Variants in CRY1 observed in about 807,000 individuals in gnomAD.
The protein encoded by CRY1 is cryptochrome circadian regulator 1.
CRY1 carries 45 observed loss-of-function variants against 76.0 expected under a neutral mutation model. That is an observed-to-expected ratio of 0.59 (90% CI 0.47 to 0.76). CRY1 has a LOEUF of 0.76. Ranked by LOEUF, CRY1 falls within the 30% of genes least tolerant of loss-of-function variation. The probability of loss-of-function intolerance (pLI) is 0.00; values close to 1 mark genes in which losing one functional copy is unlikely to be tolerated. For missense variants in CRY1, 587 were observed against 716.4 expected (o/e 0.82, Z 2.06); for synonymous variants, 248 against 244.0 (o/e 1.02, Z -0.15).
At chr12:106,998,659 A>AACAC (rs10522970) in intron 7 of CRY1, among the ~76,000 whole-genome samples, 42,140 of 143,258 alleles carry the variant, frequency 0.29, 6,366 homozygotes, top group Admixed American at 0.4. Flanking sequence ...TAAGAGATTA[A>AACAC]ACACACACAC....
intron 2 of CRY1, among the ~76,000 whole-genome samples, chr12:107,019,732 A>C (rs1351774099): frequency 1.3e-5 from 2 of 152,116 alleles, no homozygotes; most frequent in African/African-American, 4.8e-5. Flanking sequence ...GATTGAGACT[A>C]GCCTGAGCAA....
chr12:107,027,159 C>G (rs1395869355), intron 1 of CRY1, among the ~76,000 whole-genome samples: 2 of 152,014 alleles, frequency 1.3e-5, no homozygotes, highest in East Asian at 3.8e-4. Flanking sequence ...AATCCTTTAC[C>G]CTTAACTGGG....
At chr12:107,058,302 A>G (rs912809016) in intron 1 of CRY1, among the ~76,000 whole-genome samples, 1 of 152,066 alleles carries the variant, frequency 6.6e-6, no homozygotes, top group Non-Finnish European at 1.5e-5. Flanking sequence ...ACACACACAC[A>G]CTCACACGCT....
chr12:107,004,818 T>A (rs940662342), intron 3 of CRY1, among the ~76,000 whole-genome samples: 2 of 152,022 alleles, frequency 1.3e-5, no homozygotes, highest in Non-Finnish European at 2.9e-5. Context: ...GAGTTAAGAG[T>A]AGTCAAGGAA....
chr12:107,092,749 T>C, intron 1 of CRY1, 55 bp downstream of exon 1: 7 of 1,600,520 alleles, frequency 4.4e-6, no homozygotes, highest in South Asian at 1.1e-5. Context: ...ATGGAATTCA[T>C]TAACATCAGA....
chr12:107,074,893 T>TA (rs1378251216), intron 1 of CRY1, among the ~76,000 whole-genome samples: 4 of 152,120 alleles, frequency 2.6e-5, no homozygotes, highest in Non-Finnish European at 4.4e-5. Flanking sequence ...CGCATGCCTA[T>TA]AATCCCAGCT....
chr12:107,056,437 T>C (rs762720064), intron 1 of CRY1, among the ~76,000 whole-genome samples: 24 of 152,236 alleles, frequency 1.6e-4, no homozygotes, highest in Non-Finnish European at 3.2e-4. Flanking sequence ...ATGACTCTAA[T>C]GCCATTAAGA....
intron 4 of CRY1, 140 bp downstream of exon 4, chr12:107,001,624 G>C: frequency 2.8e-6 from 2 of 724,292 alleles, no homozygotes; most frequent in Non-Finnish European, 4.4e-6. Context: ...CTTCTTAAAG[G>C]GTTCTTTTTC....
rs556738024 is a variant in CRY1 at position 107,001,679 on chromosome 12, C to T, written c.595+85G>A. ...TTCTCTCCTAATGCAAAATACTTTA[C>T]ATGGCAAAATTAAAAGGGGAATTTT... On this transcript the variant is annotated intron_variant, in intron 4 of 12. Transcript: ENST00000008527. The T allele has an allele frequency of 2.2e-5, 27 of 1,251,346 alleles. No individual in the cohort carries two copies. In the African/African-American group the frequency reaches 3.7e-4, roughly 17 times the overall value. 77.5% of individuals were successfully genotyped at this position (1,251,346 alleles called of 1,614,324 possible).
chr12:107,068,638 G>A (rs1953141504), intron 1 of CRY1, among the ~76,000 whole-genome samples: 1 of 152,132 alleles, frequency 6.6e-6, no homozygotes, highest in Non-Finnish European at 1.5e-5. Context: ...AGTGGCATAT[G>A]AGTACATTGA....
intron 1 of CRY1, among the ~76,000 whole-genome samples, chr12:107,064,242 T>G (rs1311731385): frequency 1.3e-5 from 2 of 151,852 alleles, no homozygotes; most frequent in Non-Finnish European, 2.9e-5. Flanking sequence ...CCAGAATACA[T>G]AAAGAACTCT....
chr12:107,014,156 C>T (rs1001777908), intron 2 of CRY1, among the ~76,000 whole-genome samples: 3 of 152,146 alleles, frequency 2.0e-5, no homozygotes, highest in Non-Finnish European at 2.9e-5. Context: ...AGAAATTTAC[C>T]GGAGGGCAAT....
chr12:107,055,644 A>G (rs1952974174), intron 1 of CRY1, among the ~76,000 whole-genome samples: 1 of 152,168 alleles, frequency 6.6e-6, no homozygotes, highest in South Asian at 2.1e-4. Flanking sequence ...TTGTCTGAAA[A>G]GACAATAAAA....
intron 1 of CRY1, among the ~76,000 whole-genome samples, chr12:107,027,828 T>C (rs1952633008): frequency 6.6e-6 from 1 of 152,162 alleles, no homozygotes; most frequent in Admixed American, 6.5e-5. Context: ...CAGCTTTATA[T>C]AACTAGAATT....
chr12:107,069,890 T>A (rs1953167606), intron 1 of CRY1, among the ~76,000 whole-genome samples: 1 of 151,562 alleles, frequency 6.6e-6, no homozygotes, highest in African/African-American at 2.4e-5. Context: ...GTATAAGAAA[T>A]GCTCAAACTT....
At chr12:107,069,649 ATATAAAGTATATATAAAG>A (rs1953161771) in intron 1 of CRY1, among the ~76,000 whole-genome samples, 6 of 139,818 alleles carry the variant, frequency 4.3e-5, no homozygotes, top group Admixed American at 1.5e-4. Context: ...TATAAAAAGT[ATATAAAGTATATATAAAG>A]TATATATATA....
At chr12:107,081,369 G>A (rs992425320) in intron 1 of CRY1, among the ~76,000 whole-genome samples, 1 of 151,936 alleles carries the variant, frequency 6.6e-6, no homozygotes, top group Non-Finnish European at 1.5e-5. Flanking sequence ...TGCCTACTAT[G>A]TATAAGCCAC....
At chr12:107,073,172 A>G (rs1264548978) in intron 1 of CRY1, 1 of 152,202 alleles carries the variant, frequency 6.6e-6, no homozygotes, top group Non-Finnish European at 1.5e-5. Flanking sequence ...CGCTAATGAT[A>G]TAAACCATAA....
At chr12:107,065,445 A>C (rs1953098185) in intron 1 of CRY1, among the ~76,000 whole-genome samples, 1 of 152,104 alleles carries the variant, frequency 6.6e-6, no homozygotes, top group Admixed American at 6.5e-5. Context: ...ATACAAAAAA[A>C]TTAACCAAGC....
Sources: gnomAD v4.1 joint callset for allele counts (sites outside exome capture counted in the v4.1 genomes callset) on GRCh38, gnomAD v4.1.1 for gene constraint, MANE v1.5 for transcripts, NCBI Gene and HGNC (gene_info 2026-07-23, HGNC 2026-07-21) for gene names.